Variants in CD38 observed in about 807,000 individuals in gnomAD.
CD38 encodes the protein ADP-ribosyl cyclase/cyclic ADP-ribose hydrolase 1.
A neutral mutation model predicts 36.3 loss-of-function variants in CD38; 31 were observed. The observed-to-expected ratio is 0.85, with a 90% confidence interval of 0.64 to 1.15. CD38 has a LOEUF of 1.15. Among genes scored for constraint, CD38 ranks in the 50% most tolerant of loss-of-function variants. CD38 has a pLI of 0.00. For missense variants in CD38, 380 were observed against 371.9 expected (o/e 1.02, Z -0.18); for synonymous variants, 131 against 135.2 (o/e 0.97, Z 0.22).
intron 1 of CD38, among the ~76,000 whole-genome samples, chr4:15,788,709 A>G (rs779819154): frequency 1.1e-4 from 17 of 152,250 alleles, no homozygotes; most frequent in Non-Finnish European, 2.2e-4. Flanking sequence ...TGCCCAGCTC[A>G]TCACAATTTA....
chr4:15,841,714 G>A (rs557714571), intron 7 of CD38, among the ~76,000 whole-genome samples: 1 of 149,356 alleles, frequency 6.7e-6, no homozygotes, highest in South Asian at 2.1e-4. Context: ...CACCGTGCGC[G>A]AGCCGAAGCA....
intron 1 of CD38, among the ~76,000 whole-genome samples, chr4:15,783,535 A>T (rs1483493768): frequency 1.3e-5 from 2 of 152,122 alleles, no homozygotes; most frequent in Admixed American, 1.3e-4. Flanking sequence ...TATTTTATTC[A>T]CTTCTGCATC....
intron 1 of CD38, among the ~76,000 whole-genome samples, chr4:15,789,151 A>G (rs7690854): frequency 0.45 from 69,093 of 152,130 alleles, 18,868 homozygotes; most frequent in African/African-American, 0.78. Flanking sequence ...TCCACGTTTT[A>G]GGTATTTTTG....
rs1433080381 is a variant in CD38, at chr4:15,852,020, A to G, written c.*3418A>G. On this transcript the variant is annotated 3_prime_UTR_variant, in exon 8 of 8. Transcript: ENST00000226279. The stretch of plus-strand genomic sequence containing the variant: ...ATTATAATCTTATGAGACCGTCATC[A>G]TATATGTGGTCCACTGTTTGGGCCA... 2 of 152,248 alleles carry G rather than the reference A, an allele frequency of 1.3e-5. No homozygotes were observed. The highest frequency in any genetic ancestry group is 4.8e-5 in the African/African-American group (2 of 41,458). The allele number at this position is 152,248 out of a possible 1,614,324, so 9.4% of individuals were successfully genotyped here.
chr4:15,805,497 A>G (rs1723323543), intron 1 of CD38, among the ~76,000 whole-genome samples: 1 of 152,186 alleles, frequency 6.6e-6, no homozygotes, highest in Non-Finnish European at 1.5e-5. Flanking sequence ...CATAGAACTC[A>G]TAAATTTCTA....
In CD38 at chr4:15,848,790, T is replaced by C. The variant is rs79224521; in HGVS notation, c.*188T>C. The C allele has an allele frequency of 6.5e-5, 30 of 461,820 alleles. No homozygotes were observed. The highest frequency in any genetic ancestry group is 5.8e-4 in the African/African-American group (30 of 51,662). The allele number at this position is 461,820 out of a possible 1,614,324, so 28.6% of individuals were successfully genotyped here. On this transcript the variant is annotated 3_prime_UTR_variant, in exon 8 of 8. Transcript: ENST00000226279. ...TTATATCATCAGCATACCTTTATTG[T>C]GATCTATCAATAGTCAAGAAAAATT... is the stretch of plus-strand genomic sequence containing the variant.
intron 1 of CD38, among the ~76,000 whole-genome samples, chr4:15,808,443 T>G (rs1723391412): frequency 6.6e-6 from 1 of 152,222 alleles, no homozygotes; most frequent in South Asian, 2.1e-4. Context: ...CCTCCAAGAT[T>G]CTCCAACATT....
intron 5 of CD38, 53 bp from the exon 6 acceptor site, chr4:15,839,973 G>A: frequency 1.6e-6 from 2 of 1,234,152 alleles, no homozygotes; most frequent in South Asian, 1.2e-5. Context: ...AGGGGGGTGT[G>A]GATGCTTTCG....
In CD38 at chr4:15,825,007, A is replaced by T. The variant is rs1723818152; in HGVS notation, c.490A>T (p.Asn164Tyr). 2 of 1,611,462 alleles carry T rather than the reference A, an allele frequency of 1.2e-6. No homozygotes were observed. Among genetic ancestry groups the T allele is most frequent in the Non-Finnish European group, 8.5e-7 (1 of 1,178,568 alleles). ...TGACCTCACATGGTGTGGTGAATTC[A>T]ACACTTCCAGTGAGGCTCTGGGCCC... ...ADDLTWCGEF[N>Y]TSKINYQSCP... Residue 164 changes from asparagine to tyrosine, a missense_variant, in exon 3 of 8, where the codon AAC (asparagine) becomes TAC (tyrosine). Transcript: ENST00000226279.
chr4:15,792,365 A>G (rs1723018071), intron 1 of CD38, among the ~76,000 whole-genome samples: 1 of 126,028 alleles, frequency 7.9e-6, no homozygotes, highest in Non-Finnish European at 1.6e-5. Context: ...TCCCTCCACT[A>G]TTGTCCTATG....
chr4:15,853,143 G>C lies in CD38; in HGVS notation c.*4541G>C, dbSNP rs1459422209. 6.6e-6 allele frequency: 1 copy of C among 152,166 alleles called. No homozygotes were observed. Among genetic ancestry groups the C allele is most frequent in the East Asian group, 1.9e-4 (1 of 5,198 alleles). The allele number at this position is 152,166 out of a possible 1,614,324, so 9.4% of individuals were successfully genotyped here. On this transcript the variant is annotated 3_prime_UTR_variant, in exon 8 of 8. Transcript: ENST00000226279. ...TTCGGAGGCAGGTGATGCATTGGGCGAGTTTATTAACATCTGTGACTCTCT... is the reference window on the plus strand; with the variant it reads ...TTCGGAGGCAGGTGATGCATTGGGCCAGTTTATTAACATCTGTGACTCTCT...
At chr4:15,826,198 C>T (rs1323077152) in intron 3 of CD38, 1 of 152,092 alleles carries the variant, frequency 6.6e-6, no homozygotes, top group African/African-American at 2.4e-5. Context: ...CACCTCCTAC[C>T]TCCGCATCAC....
chr4:15,817,559 CAGTT>C (rs553016790), intron 2 of CD38, among the ~76,000 whole-genome samples: 77 of 152,190 alleles, frequency 5.1e-4, no homozygotes, highest in Non-Finnish European at 9.6e-4. Context: ...GCATTTATCT[CAGTT>C]AATTTCCCTA....
chr4:15,812,671 G>T (rs1369215679), intron 1 of CD38, among the ~76,000 whole-genome samples: 1 of 152,176 alleles, frequency 6.6e-6, no homozygotes, highest in Admixed American at 6.5e-5. Context: ...TTGCACTCTA[G>T]CCTGGGCAAC....
chr4:15,788,556 G>T (rs1722891513), intron 1 of CD38, among the ~76,000 whole-genome samples: 1 of 152,112 alleles, frequency 6.6e-6, no homozygotes, highest in African/African-American at 2.4e-5. Context: ...TAGCTTGGAT[G>T]AATCTGATGG....
intron 4 of CD38, among the ~76,000 whole-genome samples, chr4:15,835,147 T>A (rs1343798161): frequency 6.6e-6 from 1 of 152,074 alleles, no homozygotes. Context: ...AACTATAATT[T>A]TGTATCTTTT....
At chr4:15,814,534 G>T (rs1723542149) in intron 1 of CD38, among the ~76,000 whole-genome samples, 1 of 152,124 alleles carries the variant, frequency 6.6e-6, no homozygotes, top group South Asian at 2.1e-4. Flanking sequence ...GTCCTGAATG[G>T]TATTGCCTAG....
Position 15,781,234 on chromosome 4 carries a change from CT to C in CD38, c.233+2592del, listed in dbSNP as rs369959357. Among the ~76,000 whole-genome samples, 58 of 152,282 alleles carry C rather than the reference CT, an allele frequency of 3.8e-4. No homozygotes were observed. The East Asian group carries it at 0.01, about 26-fold the overall frequency. ...TGTGACAGGTGACAGTGTTACCAAA[CT>C]TTTTACCAGGACATAATAGGGTCTG... On this transcript the variant is annotated intron_variant, in intron 1 of 7. Coordinates refer to ENST00000226279, the MANE Select transcript of CD38 (RefSeq NM_001775.4).
At chr4:15,799,762 A>G (rs566511346) in intron 1 of CD38, among the ~76,000 whole-genome samples, 153 of 152,342 alleles carry the variant, frequency 1.0e-3, no homozygotes, top group Non-Finnish European at 1.8e-3. Context: ...AAACACTGCC[A>G]CTTTAAGTTC....
Sources: allele counts gnomAD v4.1 joint callset (sites outside exome capture counted in the v4.1 genomes callset), GRCh38; gene constraint gnomAD v4.1.1; transcripts MANE v1.5; gene names NCBI Gene and HGNC (gene_info 2026-07-23, HGNC 2026-07-21).